The following CSMD1 variants were observed in gnomAD, a reference collection of about 807,000 sequenced individuals.
CSMD1 encodes CUB and sushi domain-containing protein 1.
In CSMD1, 213 loss-of-function variants were observed where a neutral mutation model predicts 417.5. The observed-to-expected ratio is 0.51, with a 90% CI of 0.46 to 0.57. CSMD1 has a LOEUF of 0.57. Ranked by LOEUF, CSMD1 falls within the 20% of genes least tolerant of loss-of-function variation. CSMD1 has a pLI of 0.00. For synonymous variants in CSMD1, 2,862 were observed against 1,736.8 expected (o/e 1.65, Z -16.11); for missense variants, 6,923 against 4,529.7 (o/e 1.53, Z -15.17).
chr8:3,897,103 A>G (rs1386716696), intron 5 of CSMD1, among the ~76,000 whole-genome samples: 1 of 152,188 alleles, frequency 6.6e-6, no homozygotes, highest in African/African-American at 2.4e-5. Flanking sequence ...TACTGGATGT[A>G]TTCATGACAG....
rs114048802 is a variant in CSMD1, at chr8:4,046,269, T to C, written c.416-14170A>G. Among the ~76,000 whole-genome samples the C allele has an allele frequency of 1.6e-3, 242 of 152,308 alleles. 1 individual carries two copies. The highest frequency in any genetic ancestry group is 5.4e-3 in the African/African-American group (225 of 41,576). On this transcript the variant is annotated intron_variant, in intron 3 of 69. Coordinates refer to ENST00000635120, the MANE Select transcript of CSMD1 (RefSeq NM_033225.6). The stretch of plus-strand genomic sequence containing the variant: ...TTATCTTTTATTTCTAATTATTGAA[T>C]TCTTGGCTGTTTCTCAGTCTAACTT...
intron 5 of CSMD1, among the ~76,000 whole-genome samples, chr8:3,994,790 G>T (rs1415770878): frequency 6.6e-6 from 1 of 152,166 alleles, no homozygotes; most frequent in African/African-American, 2.4e-5. Flanking sequence ...ATAGCTCAGT[G>T]GGTAATTTCA....
intron 12 of CSMD1, among the ~76,000 whole-genome samples, chr8:3,432,841 G>T (rs943436321): frequency 1.3e-5 from 2 of 152,024 alleles, no homozygotes; most frequent in Non-Finnish European, 2.9e-5. Context: ...ATTCTACATT[G>T]TTTATGTGAA....
chr8:4,615,081 G>A (rs1475299023), intron 2 of CSMD1, among the ~76,000 whole-genome samples: 1 of 152,148 alleles, frequency 6.6e-6, no homozygotes, highest in Non-Finnish European at 1.5e-5. Context: ...TCTACAAACT[G>A]ATATAATCTA....
intron 5 of CSMD1, among the ~76,000 whole-genome samples, chr8:3,872,996 C>T (rs1273862338): frequency 6.6e-6 from 1 of 152,022 alleles, no homozygotes; most frequent in Non-Finnish European, 1.5e-5. Flanking sequence ...ATCAAAACCA[C>T]AGTGAGATAC....
intron 1 of CSMD1, among the ~76,000 whole-genome samples, chr8:4,763,089 G>A (rs1319687914): frequency 6.6e-6 from 1 of 152,056 alleles, no homozygotes; most frequent in Non-Finnish European, 1.5e-5. Context: ...TTGTTGAATG[G>A]ACAGAAAAGA....
At chr8:3,034,085 G>C (rs984566265) in intron 50 of CSMD1, among the ~76,000 whole-genome samples, 1 of 152,198 alleles carries the variant, frequency 6.6e-6, no homozygotes, top group African/African-American at 2.4e-5. Context: ...GCTGGGTGGA[G>C]CTCTCTGGAC....
intron 7 of CSMD1, among the ~76,000 whole-genome samples, chr8:3,652,046 CCCA>C (rs1797882987): frequency 6.8e-6 from 1 of 146,654 alleles, no homozygotes; most frequent in East Asian, 2.1e-4. Flanking sequence ...CATCACAGCA[CCCA>C]CCACCATCGC....
chr8:4,738,915 G>GTGTGTGTGTGTGTATA (rs1373054433), intron 1 of CSMD1, among the ~76,000 whole-genome samples: 1 of 152,012 alleles, frequency 6.6e-6, no homozygotes, highest in African/African-American at 2.4e-5. Flanking sequence ...GTGTGTGTGT[G>GTGTGTGTGTGTGTATA]TGTGTGTATG....
chr8:4,478,775 T>A (rs1464434008), intron 2 of CSMD1, among the ~76,000 whole-genome samples: 1 of 152,220 alleles, frequency 6.6e-6, no homozygotes, highest in Non-Finnish European at 1.5e-5. Flanking sequence ...GTAACAAATT[T>A]TAATGGCATT....
intron 3 of CSMD1, among the ~76,000 whole-genome samples, chr8:4,058,297 C>G (rs1414304728): frequency 1.3e-5 from 2 of 152,026 alleles, no homozygotes; most frequent in African/African-American, 2.4e-5. Context: ...TTTGAAGCAA[C>G]TGTGAATGGG....
At chr8:3,068,551 A>C (rs373820795) in intron 49 of CSMD1, among the ~76,000 whole-genome samples, 7 of 152,308 alleles carry the variant, frequency 4.6e-5, no homozygotes, top group East Asian at 1.9e-4. Context: ...ATTTATAAAG[A>C]CATTTAGTTG....
chr8:3,356,014 T>C (rs1000611450), intron 21 of CSMD1, among the ~76,000 whole-genome samples: 2 of 152,166 alleles, frequency 1.3e-5, no homozygotes, highest in African/African-American at 4.8e-5. Context: ...TAAAAAAGTT[T>C]CCATCTCTTT....
rs559817020 is a variant in CSMD1, at chr8:3,725,077, G to C, written c.932-16586C>G. On this transcript the variant is annotated intron_variant, in intron 6 of 69. Coordinates refer to ENST00000635120, the MANE Select transcript of CSMD1 (RefSeq NM_033225.6). The stretch of plus-strand genomic sequence containing the variant: ...CTAGAGGAGTGAGGCAGGAGGTTAA[G>C]GGCCCTCAGCATAGCGGTTTGGAAG... Among the ~76,000 whole-genome samples, 48 of 152,310 alleles carry C rather than the reference G, an allele frequency of 3.2e-4. 3 individuals carry two copies. In the South Asian group the frequency reaches 9.1e-3, roughly 29 times the overall value.
intron 3 of CSMD1, among the ~76,000 whole-genome samples, chr8:4,052,504 T>C (rs1798485482): frequency 6.6e-6 from 1 of 152,056 alleles, no homozygotes; most frequent in South Asian, 2.1e-4. Context: ...CAGTGGGAGA[T>C]CAGCATCTCC....
chr8:3,741,213 T>TAAAAAAAAAAA (rs58662516), intron 6 of CSMD1, among the ~76,000 whole-genome samples: 8 of 67,276 alleles, frequency 1.2e-4, no homozygotes, highest in Non-Finnish European at 1.6e-4. Context: ...GACTCCGTCT[T>TAAAAAAAAAAA]AAAAAAAAAA....
At position 3,219,413 on chromosome 8, in the gene CSMD1, A is replaced by G; in HGVS notation, c.4514T>C (p.Leu1505Pro). 6.5e-7 allele frequency: 1 copy of G among 1,536,092 alleles called. No homozygotes were observed. Among genetic ancestry groups the G allele is most frequent in the Non-Finnish European group, 8.8e-7 (1 of 1,141,582 alleles). The change falls in exon 29 of 70, where the codon CTA (leucine) becomes CCA (proline). Residue 1505 changes from leucine to proline, a missense_variant. Leu to Pro is a moderately conservative substitution (Grantham distance 98). Coordinates refer to ENST00000635120, the MANE Select transcript of CSMD1 (RefSeq NM_033225.6). The stretch of plus-strand genomic sequence containing the variant: ...GGAATCTTCCCCTTCATAGATGTGT[A>G]GGAAGTCATAGCTGGGCTCCATGTT... The part of the protein sequence containing the change: ...SFNMEPSYDF[L>P]HIYEGEDSNS...
At chr8:4,423,312 C>G (rs1036236849) in intron 2 of CSMD1, among the ~76,000 whole-genome samples, 2 of 151,910 alleles carry the variant, frequency 1.3e-5, no homozygotes, top group African/African-American at 2.4e-5. Flanking sequence ...TAGAAAATGC[C>G]AAGGAATCTA....
intron 3 of CSMD1, among the ~76,000 whole-genome samples, chr8:4,259,922 A>G (rs1201513167): frequency 1.3e-5 from 2 of 152,164 alleles, no homozygotes; most frequent in Non-Finnish European, 2.9e-5. Context: ...GTATAATACT[A>G]CAAAATTATA....
Sources: gnomAD v4.1 joint callset for allele counts (sites outside exome capture counted in the v4.1 genomes callset) on GRCh38, gnomAD v4.1.1 for gene constraint, MANE v1.5 for transcripts, NCBI Gene and HGNC (gene_info 2026-07-23, HGNC 2026-07-21) for gene names.